Variants in LRTM3 observed in about 807,000 individuals in gnomAD.
The protein encoded by LRTM3 is leucine-rich repeat transmembrane protein 3.
chr13:102,747,905 T>C, the LRTM3 span: 4 of 1,551,254 alleles, frequency 2.6e-6, no homozygotes, highest in Non-Finnish European at 3.5e-6. Context: ...GGGCTTTTGC[T>C]TTAGATGTAT....
chr13:102,743,033 A>G, the LRTM3 span: 805 of 1,548,678 alleles, frequency 5.2e-4, 4 homozygotes, highest in African/African-American at 9.8e-3. Flanking sequence ...TTTTGAGAAA[A>G]AAGTTTCTCC....
chr13:102,736,301 C>T, the LRTM3 span: 1 of 1,550,966 alleles, frequency 6.4e-7, no homozygotes, highest in Non-Finnish European at 8.7e-7. Flanking sequence ...TGGCTCCTTT[C>T]TCTTACTCAG....
At chr13:102,744,721 T>C in the LRTM3 span, 1 of 1,550,776 alleles carries the variant, frequency 6.4e-7, no homozygotes, top group Non-Finnish European at 8.7e-7. Context: ...CTGTTAACAT[T>C]TTTTGAATAT....
At chr13:102,748,253 C>A in the LRTM3 span, 173 of 1,551,100 alleles carry the variant, frequency 1.1e-4, no homozygotes, top group African/African-American at 2.1e-3. Flanking sequence ...CTCACTTTCA[C>A]GTAGGTCACT....
chr13:102,739,510 T>C, the LRTM3 span: 9 of 1,550,388 alleles, frequency 5.8e-6, no homozygotes, highest in East Asian at 2.4e-5. Flanking sequence ...GTGATAGAGA[T>C]GGTAAAGAAG....
the LRTM3 span, chr13:102,747,047 C>G: frequency 6.4e-7 from 1 of 1,551,154 alleles, no homozygotes. Context: ...AAGGTTGCAG[C>G]TATCATGCAG....
the LRTM3 span, chr13:102,745,283 A>G: frequency 1.3e-6 from 2 of 1,550,686 alleles, no homozygotes; most frequent in Non-Finnish European, 1.7e-6. Context: ...GGTTTCTTTA[A>G]TGTCACGTGA....
the LRTM3 span, chr13:102,734,579 T>C: frequency 6.4e-7 from 1 of 1,551,322 alleles, no homozygotes; most frequent in Non-Finnish European, 8.7e-7. Context: ...GATTATTTTT[T>C]TTTGGTTCCT....
At chr13:102,755,937 ATATACATATATATATATATATATATTT>A in the LRTM3 span, among the ~76,000 whole-genome samples, 1 of 91,228 alleles carries the variant, frequency 1.1e-5, no homozygotes, top group African/African-American at 3.7e-5. Flanking sequence ...GTGTGTATAT[ATATACATATATATATATATATATATTT>A]TTTTTTTTTC....
At chr13:102,740,146 AAG>A in the LRTM3 span, 1 of 1,547,864 alleles carries the variant, frequency 6.5e-7, no homozygotes, top group Non-Finnish European at 8.7e-7. Context: ...TCTTCTTCCC[AAG>A]TCTTAACTTG....
chr13:102,734,634 T>C, the LRTM3 span: 5 of 1,551,096 alleles, frequency 3.2e-6, no homozygotes, highest in Non-Finnish European at 4.4e-6. Flanking sequence ...TTAACATCTT[T>C]TGGGATATCA....
chr13:102,729,813 A>G, the LRTM3 span: 3 of 1,551,892 alleles, frequency 1.9e-6, no homozygotes, highest in East Asian at 2.4e-5. Flanking sequence ...GTACAACTGT[A>G]ATCGTGGTCC....
At chr13:102,732,207 C>T in the LRTM3 span, 15 of 1,551,276 alleles carry the variant, frequency 9.7e-6, no homozygotes, top group African/African-American at 2.1e-4. Flanking sequence ...TTTTCTCTTT[C>T]TAGGTTTGTC....
the LRTM3 span, among the ~76,000 whole-genome samples, chr13:102,754,205 C>CAA: frequency 3.0e-3 from 234 of 77,116 alleles, 1 homozygote; most frequent in Middle Eastern, 0.016. Flanking sequence ...ACTCCATCTC[C>CAA]AAAAAAAAAA....
the LRTM3 span, chr13:102,730,104 T>G: frequency 1.3e-6 from 2 of 1,550,596 alleles, no homozygotes; most frequent in Non-Finnish European, 1.7e-6. Context: ...CTATATTTCC[T>G]GCTTTTGTGG....
chr13:102,735,884 A>G, the LRTM3 span: 1 of 1,539,384 alleles, frequency 6.5e-7, no homozygotes. Context: ...CCTCGGAACC[A>G]CTCCAGGTTC....
the LRTM3 span, chr13:102,744,088 C>T: frequency 6.4e-7 from 1 of 1,550,548 alleles, no homozygotes; most frequent in Non-Finnish European, 8.7e-7. Flanking sequence ...TGAGTAATGC[C>T]TCTCCTATAC....
At chr13:102,734,412 T>C in the LRTM3 span, 1 of 1,551,260 alleles carries the variant, frequency 6.4e-7, no homozygotes, top group African/African-American at 1.4e-5. Flanking sequence ...GAAAAGAGTA[T>C]GCACATTTTT....
the LRTM3 span, among the ~76,000 whole-genome samples, chr13:102,758,171 C>A: frequency 6.6e-6 from 1 of 152,276 alleles, no homozygotes; most frequent in Non-Finnish European, 1.5e-5. Flanking sequence ...CCTCTTCAAG[C>A]TTTATTTTCC....
Sources: gnomAD v4.1 joint callset for allele counts (sites outside exome capture counted in the v4.1 genomes callset) on GRCh38, gnomAD v4.1.1 for gene constraint, MANE v1.5 for transcripts, NCBI Gene and HGNC (gene_info 2026-07-23, HGNC 2026-07-21) for gene names.